LSAMP: variants seen among roughly 807,000 people sequenced by gnomAD.
LSAMP encodes limbic system associated membrane protein, also known as limbic system-associated membrane protein.
In LSAMP, 7 loss-of-function variants were observed where a neutral mutation model predicts 38.6. The ratio of observed to expected loss-of-function variants is 0.18; its 90% CI spans 0.10 to 0.34. LSAMP has a LOEUF of 0.34. Ranked by LOEUF, LSAMP falls within the 10% of genes least tolerant of loss-of-function variation. LSAMP has a pLI of 1.00. For synonymous variants in LSAMP, 154 were observed against 166.8 expected (o/e 0.92, Z 0.59); for missense variants, 313 against 420.0 (o/e 0.75, Z 2.23).
chr3:116,406,764 T>C (rs1297340496), intron 1 of LSAMP, among the ~76,000 whole-genome samples: 1 of 151,852 alleles, frequency 6.6e-6, no homozygotes, highest in African/African-American at 2.4e-5. Context: ...AAATAAATGG[T>C]CACTTTTGAC....
chr3:116,095,544 G>A lies in LSAMP; in HGVS notation c.156-8988C>T, dbSNP rs186774888. On this transcript the variant is annotated intron_variant, in intron 1 of 6. Transcript: ENST00000490035. ...AATGTGTCTCAACAAACTCCCTTCC[G>A]GCACCATCTGTATTCCTATTGTTGT... Among the ~76,000 whole-genome samples, 21 of 152,190 alleles carry A rather than the reference G, an allele frequency of 1.4e-4. No homozygotes were observed. In the East Asian group the frequency reaches 1.7e-3, roughly 13 times the overall value.
At chr3:116,031,277 A>G (rs1279692453) in intron 2 of LSAMP, among the ~76,000 whole-genome samples, 1 of 152,148 alleles carries the variant, frequency 6.6e-6, no homozygotes, top group African/African-American at 2.4e-5. Flanking sequence ...ACATTGTGCC[A>G]GGCATGAGAA....
rs182802721 is a variant in LSAMP, at chr3:115,867,124, T to C, written c.515-14507A>G. Among the ~76,000 whole-genome samples, 457 of 152,042 alleles carry C rather than the reference T, an allele frequency of 3.0e-3. 4 individuals are homozygous for C. The highest frequency in any genetic ancestry group is 2.2e-3 in the Non-Finnish European group (151 of 67,956). On this transcript the variant is annotated intron_variant, in intron 3 of 6. Coordinates refer to ENST00000490035, the MANE Select transcript of LSAMP (RefSeq NM_002338.5). ...CAAACACTGAGACAGAAAATCATTC[T>C]CACTAACATATAAGTCTTGGTGGTC...
chr3:116,220,350 GACACACACACACACACACACACACAC>G (rs10575234), intron 1 of LSAMP, among the ~76,000 whole-genome samples: 2 of 138,506 alleles, frequency 1.4e-5, no homozygotes, highest in African/African-American at 5.4e-5. Flanking sequence ...ATTTGCATAT[GACACACACACACACACACACACACAC>G]ACACACACAC....
At chr3:116,214,736 C>T (rs2046200666) in intron 1 of LSAMP, among the ~76,000 whole-genome samples, 1 of 151,956 alleles carries the variant, frequency 6.6e-6, no homozygotes, top group South Asian at 2.1e-4. Flanking sequence ...TTCCTGACCT[C>T]AAGTGATCTG....
intron 1 of LSAMP, among the ~76,000 whole-genome samples, chr3:116,225,111 GC>G (rs2046328455): frequency 6.6e-6 from 1 of 151,564 alleles, no homozygotes; most frequent in Non-Finnish European, 1.5e-5. Flanking sequence ...TTCACTAGTG[GC>G]CCCCACAAAA....
chr3:115,845,478 A>T (rs1935122911), intron 4 of LSAMP, among the ~76,000 whole-genome samples: 2 of 152,140 alleles, frequency 1.3e-5, no homozygotes, highest in African/African-American at 4.8e-5. Flanking sequence ...GATTTTTCTG[A>T]TTGAAAAATT....
At chr3:116,281,648 T>C (rs1269482374) in intron 1 of LSAMP, among the ~76,000 whole-genome samples, 1 of 152,226 alleles carries the variant, frequency 6.6e-6, no homozygotes, top group East Asian at 1.9e-4. Flanking sequence ...CTATTATTAC[T>C]TTCAGCACAA....
At chr3:116,255,196 C>A (rs550620288) in intron 1 of LSAMP, among the ~76,000 whole-genome samples, 1 of 152,172 alleles carries the variant, frequency 6.6e-6, no homozygotes, top group South Asian at 2.1e-4. Flanking sequence ...TATGTACTGA[C>A]TTGAGAATTA....
intron 1 of LSAMP, among the ~76,000 whole-genome samples, chr3:116,211,980 A>T (rs2046163320): frequency 6.6e-6 from 1 of 152,176 alleles, no homozygotes; most frequent in Non-Finnish European, 1.5e-5. Flanking sequence ...CTGTGCTTCC[A>T]TTCATGTAAC....
At chr3:116,010,876 G>A (rs1379973698) in intron 3 of LSAMP, among the ~76,000 whole-genome samples, 2 of 152,294 alleles carry the variant, frequency 1.3e-5, no homozygotes, top group Middle Eastern at 3.4e-3. Context: ...CATGATATAA[G>A]TTAGGTTACT....
chr3:116,142,064 G>A (rs1175512043), intron 1 of LSAMP, among the ~76,000 whole-genome samples: 2 of 152,000 alleles, frequency 1.3e-5, no homozygotes, highest in Non-Finnish European at 2.9e-5. Flanking sequence ...CACGAGTATA[G>A]TATAGCGGTA....
At chr3:115,943,016 A>G (rs188931899) in intron 3 of LSAMP, among the ~76,000 whole-genome samples, 300 of 152,352 alleles carry the variant, frequency 2.0e-3, no homozygotes, top group African/African-American at 6.9e-3. Context: ...ATGGATGAAC[A>G]ACATACGTTA....
intron 3 of LSAMP, among the ~76,000 whole-genome samples, chr3:115,856,754 C>A (rs1309827443): frequency 6.6e-6 from 1 of 152,102 alleles, no homozygotes; most frequent in Non-Finnish European, 1.5e-5. Flanking sequence ...TTTGCTGGCA[C>A]CCTGATCTTG....
At chr3:116,164,451 A>G (rs1709980758) in intron 1 of LSAMP, among the ~76,000 whole-genome samples, 1 of 150,296 alleles carries the variant, frequency 6.7e-6, no homozygotes. Context: ...CATTAAAAGC[A>G]ATGGCAAAAA....
intron 1 of LSAMP, among the ~76,000 whole-genome samples, chr3:116,153,849 A>G (rs1193616636): frequency 6.6e-6 from 1 of 152,078 alleles, no homozygotes; most frequent in Non-Finnish European, 1.5e-5. Context: ...GAAAAAGATA[A>G]GTTTTATAAA....
intron 1 of LSAMP, among the ~76,000 whole-genome samples, chr3:116,262,434 C>T (rs1420303643): frequency 6.6e-6 from 1 of 152,128 alleles, no homozygotes; most frequent in Non-Finnish European, 1.5e-5. Context: ...TCTCTGACTC[C>T]ATATTGAGGT....
rs188149049 is a variant in LSAMP at position 115,935,356 on chromosome 3, G to T, written c.515-82739C>A. 1.6e-3 allele frequency among the ~76,000 whole-genome samples: 249 copies of T among 152,236 alleles called. 1 individual carries two copies. Among genetic ancestry groups the T allele is most frequent in the Middle Eastern group, 6.8e-3 (2 of 294 alleles). On this transcript the variant is annotated intron_variant, in intron 3 of 6. Coordinates refer to ENST00000490035, the MANE Select transcript of LSAMP (RefSeq NM_002338.5). ...TGCTTTCTGAAAGAGGTGTGGCCGG[G>T]TGGGGGGATAAAGAGGCTCTTGAGA...
chr3:116,278,213 C>T (rs529456853), intron 1 of LSAMP, among the ~76,000 whole-genome samples: 4 of 152,250 alleles, frequency 2.6e-5, no homozygotes, highest in African/African-American at 4.8e-5. Context: ...CAAACACACC[C>T]GGAAGCTGAA....
Sources: gnomAD v4.1 joint callset for allele counts (sites outside exome capture counted in the v4.1 genomes callset) on GRCh38, gnomAD v4.1.1 for gene constraint, MANE v1.5 for transcripts, NCBI Gene and HGNC (gene_info 2026-07-23, HGNC 2026-07-21) for gene names.